IQCH: variants seen among roughly 807,000 people sequenced by gnomAD.
IQCH encodes IQ domain-containing protein H.
In IQCH, 98 loss-of-function variants were observed where a neutral mutation model predicts 117.0. That is an observed-to-expected ratio of 0.84 (90% CI 0.71 to 0.99). The LOEUF (loss-of-function observed/expected upper bound fraction) is 0.99, where lower values mean the gene tolerates loss of function less well. Ranked by LOEUF, IQCH falls within the 50% of genes least tolerant of loss-of-function variation. The pLI, the probability that IQCH is intolerant of heterozygous loss-of-function variation, is 0.00. For missense variants in IQCH, 1,102 were observed against 1,243.8 expected, an observed-to-expected ratio of 0.89 and a Z score of 1.72; for synonymous variants, 412 against 448.2, an observed-to-expected ratio of 0.92 and a Z score of 1.02.
chr15:67,354,967 C>T (rs954306963), intron 6 of IQCH, among the ~76,000 whole-genome samples: 3 of 152,176 alleles, frequency 2.0e-5, no homozygotes, highest in Non-Finnish European at 1.5e-5. Context: ...TTGGGGTGGA[C>T]TTTCCCTTAC....
rs145421102 is a variant in IQCH, at chr15:67,413,445, G to T, written c.2098-3486G>T. On this transcript the variant is annotated intron_variant, in intron 14 of 20. Coordinates refer to ENST00000335894, the MANE Select transcript of IQCH (RefSeq NM_001031715.3). This position sits in a 1 kb window ranked among gnomAD's most constrained non-coding sequence, Gnocchi z 5.0. ...AAACCAGACTGTAAAGGGTTGTTTT[G>T]TTGGGGGGATAAAATAAAATGAAGC... The T allele has an allele frequency of 1.3e-5, 2 of 152,128 alleles. No individual in the cohort carries two copies. Among genetic ancestry groups the T allele is most frequent in the African/African-American group, 4.8e-5 (2 of 41,442 alleles). 9.4% of individuals were successfully genotyped at this position (152,128 alleles called of 1,614,324 possible). A position where few individuals can be genotyped will look rare whatever the true frequency, so the allele number is the denominator to read the frequency against.
intron 13 of IQCH, among the ~76,000 whole-genome samples, chr15:67,396,311 G>A (rs767108252): frequency 5.3e-5 from 8 of 151,608 alleles, no homozygotes; most frequent in Non-Finnish European, 7.4e-5. Flanking sequence ...TTCAGGAAGC[G>A]ATCGAAATGG....
At position 67,443,129 on chromosome 15, in the gene IQCH, A is replaced by C. The variant is rs2140971945; in HGVS notation, c.2505+21552A>C. Among the ~76,000 whole-genome samples, 1 of 151,956 alleles carries C rather than the reference A, an allele frequency of 6.6e-6. No individual in the cohort carries two copies. Among genetic ancestry groups the C allele is most frequent in the South Asian group, 2.1e-4 (1 of 4,822 alleles). ...TGCCTCAGCCTCCTGAGTAGCTGGGACTACAGGCGCCCGCCACAGCGCCCG... is the reference window on the plus strand; with the variant it reads ...TGCCTCAGCCTCCTGAGTAGCTGGGCCTACAGGCGCCCGCCACAGCGCCCG... On this transcript the variant is annotated intron_variant, in intron 16 of 20. Coordinates refer to ENST00000335894, the MANE Select transcript of IQCH (RefSeq NM_001031715.3). The surrounding 1 kb of genome is among the most constrained non-coding windows in gnomAD (Gnocchi z 5.0).
In IQCH at chr15:67,388,714, T is replaced by C. The variant is rs1314352681; in HGVS notation, c.1457-117T>C. 2.0e-5 allele frequency: 17 copies of C among 857,952 alleles called. No homozygotes were observed. The highest frequency in any genetic ancestry group is 2.7e-5 in the Non-Finnish European group (15 of 554,932). The allele number at this position is 857,952 out of a possible 1,614,324, so 53.1% of individuals were successfully genotyped here. A position where few individuals can be genotyped will look rare whatever the true frequency, so the allele number is the denominator to read the frequency against. ...GTACAAAACCAAACTAAATTAACCT[T>C]AACCTGGGTTTTGGATATGCTCTTT... is the stretch of plus-strand genomic sequence containing the variant. On this transcript the variant is annotated intron_variant, in intron 11 of 20. Coordinates refer to ENST00000335894, the MANE Select transcript of IQCH (RefSeq NM_001031715.3). The surrounding 1 kb of genome is among the most constrained non-coding windows in gnomAD (Gnocchi z 5.5).
In IQCH at chr15:67,421,278, T is replaced by C. The variant is rs767051092; in HGVS notation, c.2219-13T>C. 1.9e-6 allele frequency: 3 copies of C among 1,609,400 alleles called. No individual in the cohort carries two copies. The highest frequency in any genetic ancestry group is 2.2e-5 in the South Asian group (2 of 90,518). ...CATGTGTCCTTTCACCTACTCCATG[T>C]TTTTCCCACCAGGGGGTGTGATCGA... On this transcript the variant is annotated splice_polypyrimidine_tract_variant and intron_variant, in intron 15 of 20. Transcript: ENST00000335894.
At chr15:67,451,705 T>C (rs2082532444) in intron 16 of IQCH, among the ~76,000 whole-genome samples, 1 of 152,162 alleles carries the variant, frequency 6.6e-6, no homozygotes, top group Non-Finnish European at 1.5e-5. Context: ...ATTCTGTTGA[T>C]TTGGGGTGGA....
At chr15:67,389,083 T>C in intron 12 of IQCH, 77 bp downstream of exon 12, 1 of 1,093,462 alleles carries the variant, frequency 9.1e-7, no homozygotes, top group Admixed American at 1.9e-5. Context: ...CTTGCAACGC[T>C]CTGGTACACA....
At chr15:67,464,994 C>T in intron 16 of IQCH, 133 bp from the exon 17 acceptor site, 2 of 726,374 alleles carry the variant, frequency 2.8e-6, no homozygotes, top group Non-Finnish European at 2.3e-6. Context: ...GAAGGAAAAA[C>T]ATCTACTCCA....
intron 7 of IQCH, among the ~76,000 whole-genome samples, chr15:67,358,192 G>T: frequency 1.0e-4 from 2 of 20,002 alleles, no homozygotes; most frequent in East Asian, 1.4e-3. Flanking sequence ...TAACCATCAT[G>T]AGGCACTTTC....
At chr15:67,402,733 T>C (rs182114059) in intron 14 of IQCH, among the ~76,000 whole-genome samples, 45 of 152,348 alleles carry the variant, frequency 3.0e-4, no homozygotes, top group African/African-American at 1.1e-3. Flanking sequence ...GAAAGGAGAA[T>C]ATGACTGTAA....
chr15:67,284,944 A>G (rs980324529), intron 4 of IQCH, among the ~76,000 whole-genome samples: 3 of 152,132 alleles, frequency 2.0e-5, no homozygotes, highest in African/African-American at 7.2e-5. Flanking sequence ...TTGTAATAGA[A>G]TGATTTATAT....
intron 4 of IQCH, among the ~76,000 whole-genome samples, chr15:67,335,832 A>T (rs1387352140): frequency 6.6e-6 from 1 of 152,156 alleles, no homozygotes; most frequent in Admixed American, 6.5e-5. Context: ...ACCAAACATC[A>T]TCAAAGTGTT....
In IQCH at chr15:67,431,336, G is replaced by A. The variant is rs1440919412; in HGVS notation, c.2505+9759G>A. On this transcript the variant is annotated intron_variant, in intron 16 of 20. Coordinates refer to ENST00000335894, the MANE Select transcript of IQCH (RefSeq NM_001031715.3). The surrounding 1 kb of genome is among the most constrained non-coding windows in gnomAD (Gnocchi z 4.8). ...CAAGATCATGTCCTGCATTTGCAGG[G>A]ACATGGATGTAGCTGGAGGTCATTA... 6.6e-6 allele frequency among the ~76,000 whole-genome samples: 1 copy of A among 152,096 alleles called. No individual in the cohort carries two copies. Among genetic ancestry groups the A allele is most frequent in the Non-Finnish European group, 1.5e-5 (1 of 68,020 alleles).
chr15:67,413,023 A>C lies in IQCH; in HGVS notation c.2098-3908A>C, dbSNP rs1039396765. 2.0e-5 allele frequency among the ~76,000 whole-genome samples: 3 copies of C among 152,226 alleles called. No individual in the cohort carries two copies. The highest frequency in any genetic ancestry group is 7.2e-5 in the African/African-American group (3 of 41,542). On this transcript the variant is annotated intron_variant, in intron 14 of 20. Transcript: ENST00000335894. The surrounding 1 kb of genome is among the most constrained non-coding windows in gnomAD (Gnocchi z 5.0). ...TGATGAGACAAAGTATTTTACAAATAGTATTCTAATGATTCACATGAATTG... is the reference window on the plus strand; with the variant it reads ...TGATGAGACAAAGTATTTTACAAATCGTATTCTAATGATTCACATGAATTG...
At chr15:67,263,620 G>A (rs12443472) in intron 3 of IQCH, among the ~76,000 whole-genome samples, 34,284 of 151,994 alleles carry the variant, frequency 0.23, 4,401 homozygotes, top group East Asian at 0.48. Context: ...ACTCTTTGTT[G>A]TTGTTATTTT....
At chr15:67,361,485 T>C (rs1032338803) in intron 8 of IQCH, among the ~76,000 whole-genome samples, 1 of 152,234 alleles carries the variant, frequency 6.6e-6, no homozygotes, top group Non-Finnish European at 1.5e-5. Flanking sequence ...TTTATAAATA[T>C]CAATCATTTT....
intron 17 of IQCH, among the ~76,000 whole-genome samples, chr15:67,470,903 T>C (rs1000467309): frequency 1.3e-5 from 2 of 152,208 alleles, no homozygotes; most frequent in Non-Finnish European, 2.9e-5. Context: ...GTGATCCTTT[T>C]CCCCCTTTTA....
intron 4 of IQCH, among the ~76,000 whole-genome samples, chr15:67,333,120 G>T (rs893642832): frequency 6.6e-6 from 1 of 152,086 alleles, no homozygotes; most frequent in Non-Finnish European, 1.5e-5. Context: ...CATTCATGAC[G>T]ATTCCATCCT....
At position 67,411,401 on chromosome 15, in the gene IQCH, C is replaced by T. The variant is rs1217228270; in HGVS notation, c.2098-5530C>T. On this transcript the variant is annotated intron_variant, in intron 14 of 20. Coordinates refer to ENST00000335894, the MANE Select transcript of IQCH (RefSeq NM_001031715.3). This position sits in a 1 kb window ranked among gnomAD's most constrained non-coding sequence, Gnocchi z 4.4. Reference sequence around the variant, plus strand: ...ATAGTCCACATGGCTCCTTTCAACACTGACAGTCTTGCTTACTTTTTCAGG... The same window carrying T: ...ATAGTCCACATGGCTCCTTTCAACATTGACAGTCTTGCTTACTTTTTCAGG... Among the ~76,000 whole-genome samples, 1 of 152,206 alleles carries T rather than the reference C, an allele frequency of 6.6e-6. No individual in the cohort carries two copies. Among genetic ancestry groups the T allele is most frequent in the Non-Finnish European group, 1.5e-5 (1 of 68,038 alleles).
Sources: gnomAD v4.1 joint callset for allele counts (sites outside exome capture counted in the v4.1 genomes callset) on GRCh38, gnomAD v4.1.1 for gene constraint, Gnocchi (gnomAD v3.1) non-coding constraint, MANE v1.5 for transcripts, NCBI Gene and HGNC (gene_info 2026-07-23, HGNC 2026-07-21) for gene names.